Variants in PTPRT observed in about 807,000 individuals in gnomAD.
PTPRT encodes receptor-type tyrosine-protein phosphatase T.
A neutral mutation model predicts 176.8 loss-of-function variants in PTPRT; 56 were observed. That is an observed-to-expected ratio of 0.32 (90% CI 0.26 to 0.40). PTPRT has a LOEUF of 0.40. PTPRT is among the 10% of genes least tolerant of loss of function. The pLI, the probability that PTPRT is intolerant of heterozygous loss-of-function variation, is 1.00. For synonymous variants in PTPRT, 783 were observed against 739.0 expected (o/e 1.06, Z -0.96); for missense variants, 1,540 against 1,908.2 (o/e 0.81, Z 3.60).
chr20:42,112,550 A>G (rs956883358), intron 22 of PTPRT, among the ~76,000 whole-genome samples: 12 of 152,146 alleles, frequency 7.9e-5, no homozygotes, highest in African/African-American at 2.7e-4. Flanking sequence ...TATGGGGGGC[A>G]CCTGAGGCCC....
chr20:42,419,490 C>T (rs35888985), intron 9 of PTPRT, among the ~76,000 whole-genome samples: 63,171 of 151,984 alleles, frequency 0.42, 14,644 homozygotes, highest in Admixed American at 0.53. Flanking sequence ...TAGAACTTTG[C>T]CTCACAACTC....
chr20:42,305,358 A>C (rs1356312133), intron 12 of PTPRT, among the ~76,000 whole-genome samples: 1 of 152,142 alleles, frequency 6.6e-6, no homozygotes, highest in Non-Finnish European at 1.5e-5. Context: ...CTCAAAAAAT[A>C]AAATAAAAGT....
At chr20:42,052,902 A>G in the PTPRT span, among the ~76,000 whole-genome samples, 22 of 152,300 alleles carry the variant, frequency 1.4e-4, no homozygotes, top group African/African-American at 5.1e-4. Context: ...TAGAACTCAT[A>G]AATTAGAGCA....
the PTPRT span, among the ~76,000 whole-genome samples, chr20:42,043,974 T>C: frequency 6.6e-6 from 1 of 152,126 alleles, no homozygotes; most frequent in Non-Finnish European, 1.5e-5. Flanking sequence ...AAGGAACAAG[T>C]AAAAATGATT....
intron 1 of PTPRT, among the ~76,000 whole-genome samples, chr20:42,932,518 A>G (rs1979925903): frequency 6.6e-6 from 1 of 152,210 alleles, no homozygotes; most frequent in Non-Finnish European, 1.5e-5. Flanking sequence ...GGTGGTGGTA[A>G]GAAAGGAAGA....
intron 7 of PTPRT, among the ~76,000 whole-genome samples, chr20:42,641,916 TCTTAGAGTGCC>T (rs1278770700): frequency 1.3e-5 from 2 of 152,096 alleles, no homozygotes; most frequent in African/African-American, 4.8e-5. Flanking sequence ...CTTCTAAGCG[TCTTAGAGTGCC>T]CTCTTCCAAG....
chr20:42,142,667 C>T (rs569043676), intron 17 of PTPRT, among the ~76,000 whole-genome samples: 37 of 152,166 alleles, frequency 2.4e-4, no homozygotes, highest in Non-Finnish European at 4.1e-4. Context: ...TACATACATA[C>T]CTATGATAAA....
the PTPRT span, among the ~76,000 whole-genome samples, chr20:42,049,223 C>T: frequency 2.0e-5 from 3 of 152,232 alleles, no homozygotes; most frequent in Non-Finnish European, 2.9e-5. Flanking sequence ...GAGACAATGA[C>T]GTCCACTAAC....
At chr20:42,687,935 C>T (rs2075726423) in intron 6 of PTPRT, 1 of 152,194 alleles carries the variant, frequency 6.6e-6, no homozygotes. Flanking sequence ...ATTTATTCCT[C>T]ATATCACACC....
At chr20:42,978,964 G>A (rs1983118859) in intron 1 of PTPRT, among the ~76,000 whole-genome samples, 1 of 152,128 alleles carries the variant, frequency 6.6e-6, no homozygotes, top group Non-Finnish European at 1.5e-5. Flanking sequence ...TTTCCTAACA[G>A]ACTTGCTTTC....
chr20:43,170,682 G>C (rs900111724), intron 1 of PTPRT, among the ~76,000 whole-genome samples: 5 of 152,176 alleles, frequency 3.3e-5, no homozygotes, highest in African/African-American at 1.2e-4. Flanking sequence ...TGCCAGACTG[G>C]TAGAATTATT....
At chr20:42,452,616 A>G (rs2070851744) in intron 8 of PTPRT, among the ~76,000 whole-genome samples, 1 of 152,118 alleles carries the variant, frequency 6.6e-6, no homozygotes, top group Non-Finnish European at 1.5e-5. Context: ...TTGAGGGTCT[A>G]TCTGACGGAA....
At chr20:42,684,275 G>A (rs2075654108) in intron 6 of PTPRT, among the ~76,000 whole-genome samples, 1 of 151,934 alleles carries the variant, frequency 6.6e-6, no homozygotes, top group African/African-American at 2.4e-5. Context: ...GACCTGGGAG[G>A]CAGAGGTTGC....
intron 11 of PTPRT, among the ~76,000 whole-genome samples, chr20:42,341,445 C>A (rs2058109982): frequency 6.6e-6 from 1 of 152,124 alleles, no homozygotes; most frequent in Admixed American, 6.5e-5. Flanking sequence ...TTAAACGATT[C>A]TTCCTTTGAA....
At chr20:43,052,160 G>C (rs1987073252) in intron 1 of PTPRT, among the ~76,000 whole-genome samples, 1 of 152,224 alleles carries the variant, frequency 6.6e-6, no homozygotes, top group South Asian at 2.1e-4. Flanking sequence ...GGCTTTGGCA[G>C]CCCAGCTTCC....
intron 7 of PTPRT, among the ~76,000 whole-genome samples, chr20:42,614,052 G>C (rs898418401): frequency 2.6e-5 from 4 of 152,044 alleles, no homozygotes; most frequent in Non-Finnish European, 4.4e-5. Flanking sequence ...GAAAGTCCAA[G>C]ATCAAGGTGT....
At chr20:42,472,704 G>T in intron 7 of PTPRT, 142 bp from the exon 8 acceptor site, 1 of 828,242 alleles carries the variant, frequency 1.2e-6, no homozygotes, top group South Asian at 1.8e-5. Context: ...TTTGACACAG[G>T]CAATATAATT....
At chr20:42,408,746 G>A (rs112250529) in intron 9 of PTPRT, among the ~76,000 whole-genome samples, 5 of 152,104 alleles carry the variant, frequency 3.3e-5, no homozygotes, top group African/African-American at 4.8e-5. Context: ...ATCTCGGTCT[G>A]CCTTCTGCTG....
rs1455492437 is a variant in PTPRT, at chr20:42,078,375, T to A, written c.*2504A>T. 4.7e-6 allele frequency: 1 copy of A among 212,440 alleles called. No homozygotes were observed. Among genetic ancestry groups the A allele is most frequent in the Non-Finnish European group, 9.6e-6 (1 of 104,708 alleles). The allele number at this position is 212,440 out of a possible 1,614,324, so 13.2% of individuals were successfully genotyped here. ...TGGAGATCTGGGTTGGTGACCCTGC[T>A]CCGTGGTAAAGCAGAGACCCTGGGT... On this transcript the variant is annotated 3_prime_UTR_variant, in exon 31 of 31. Coordinates refer to ENST00000373187, the MANE Select transcript of PTPRT (RefSeq NM_007050.6).
Sources: allele counts gnomAD v4.1 joint callset (sites outside exome capture counted in the v4.1 genomes callset), GRCh38; gene constraint gnomAD v4.1.1; transcripts MANE v1.5; gene names NCBI Gene and HGNC (gene_info 2026-07-23, HGNC 2026-07-21).